Variants in TULP4 observed in about 807,000 individuals in gnomAD.
TULP4 encodes the protein tubby-related protein 4.
TULP4 carries 16 observed loss-of-function variants against 129.0 expected under a neutral mutation model. That is an observed-to-expected ratio of 0.12 (90% confidence interval 0.08 to 0.19). The LOEUF (loss-of-function observed/expected upper bound fraction) is 0.19. Ranked by LOEUF, TULP4 falls within the 10% of genes least tolerant of loss-of-function variation. The pLI, the probability that TULP4 is intolerant of heterozygous loss-of-function variation, is 1.00. For missense variants in TULP4, 1,842 were observed against 2,059.1 expected (o/e 0.89, Z 2.04); for synonymous variants, 998 against 854.0 (o/e 1.17, Z -2.94).
intron 13 of TULP4, among the ~76,000 whole-genome samples, chr6:158,504,624 G>A (rs1780557286): frequency 6.6e-6 from 1 of 151,138 alleles, no homozygotes; most frequent in Admixed American, 6.6e-5. Context: ...TCAAAGTGCA[G>A]GGATTACAGG....
At position 158,413,220 on chromosome 6, in the gene TULP4, T is replaced by C. The variant is rs549807200; in HGVS notation, c.381+27T>C. On this transcript the variant is annotated intron_variant, in intron 2 of 13. Coordinates refer to ENST00000367097, the MANE Select transcript of TULP4 (RefSeq NM_020245.5). This position sits in a 1 kb window ranked among gnomAD's most constrained non-coding sequence, Gnocchi z 4.9. Reference sequence around the variant, plus strand: ...TGAGTGGCAGGCGCAGCTCTGCCAGTGAAGGGCTGCGGGGTAGAGGACTCC... The same window carrying C: ...TGAGTGGCAGGCGCAGCTCTGCCAGCGAAGGGCTGCGGGGTAGAGGACTCC... 1.7e-4 allele frequency: 278 copies of C among 1,599,906 alleles called. 5 individuals carry two copies. The South Asian group carries it at 3.0e-3, about 17-fold the overall frequency.
At chr6:158,430,616 C>T (rs966982304) in intron 3 of TULP4, among the ~76,000 whole-genome samples, 3 of 151,994 alleles carry the variant, frequency 2.0e-5, no homozygotes, top group African/African-American at 4.8e-5. Context: ...GGCATGATGG[C>T]GGGCGCCTGT....
chr6:158,241,529 G>T (rs1275684719), intron 1 of TULP4, among the ~76,000 whole-genome samples: 15 of 152,034 alleles, frequency 9.9e-5, no homozygotes, highest in Non-Finnish European at 1.8e-4. Context: ...GATCACTCGC[G>T]GTTAGGGGCT....
chr6:158,262,711 G>A (rs732487), intron 1 of TULP4, among the ~76,000 whole-genome samples: 49,994 of 152,072 alleles, frequency 0.33, 9,222 homozygotes, highest in Admixed American at 0.45. Context: ...TGGGATGCAT[G>A]TGCAGATTCA....
chr6:158,415,360 T>C (rs1470260322), intron 2 of TULP4, among the ~76,000 whole-genome samples: 1 of 150,378 alleles, frequency 6.6e-6, no homozygotes, highest in Non-Finnish European at 1.5e-5. Context: ...TTTTTTTTTT[T>C]TTTTTTTGAG....
chr6:158,332,931 ACACACACG>A (rs1210107688), intron 1 of TULP4, among the ~76,000 whole-genome samples: 3 of 152,080 alleles, frequency 2.0e-5, no homozygotes, highest in Non-Finnish European at 4.4e-5. Flanking sequence ...ACTGACATAC[ACACACACG>A]TACATACATG....
At position 158,313,584 on chromosome 6, in the gene TULP4, T is replaced by C. The variant is rs1185554992; in HGVS notation, c.-433T>C. 7.3e-6 allele frequency: 3 copies of C among 409,496 alleles called. No individual in the cohort carries two copies. The highest frequency in any genetic ancestry group is 4.1e-5 in the African/African-American group (2 of 48,696). The allele number at this position is 409,496 out of a possible 1,614,324, so 25.4% of individuals were successfully genotyped here. A position where few individuals can be genotyped will look rare whatever the true frequency, so the allele number is the denominator to read the frequency against. ...AAAGCCTTAAGTTACTTGAAATCTA[T>C]GTATTTGCAACCCTTTGTCTCTGGA... On this transcript the variant is annotated 5_prime_UTR_variant, in exon 1 of 14. It removes an upstream start codon present in the reference 5' UTR. Transcript: ENST00000367097.
At chr6:158,365,899 C>CTTTTTTTTTTTTTTTTTTTTTTTTT (rs5881257) in intron 1 of TULP4, among the ~76,000 whole-genome samples, 6 of 57,540 alleles carry the variant, frequency 1.0e-4, no homozygotes, top group Admixed American at 3.1e-4. Flanking sequence ...CTTTTTCTTT[C>CTTTTTTTTTTTTTTTTTTTTTTTTT]TTTTTTTTTT....
In TULP4 at chr6:158,481,061, A is replaced by G. The variant is rs367711119; in HGVS notation, c.1258A>G (p.Ile420Val). 5.8e-6 allele frequency: 9 copies of G among 1,561,916 alleles called. No homozygotes were observed. The highest frequency in any genetic ancestry group is 1.2e-5 in the South Asian group (1 of 83,138). ...TTCTTCCTGTATCCTCCAGCCCCCAATTCCAGATCCGAACAACATGAGAGA... is the reference window on the plus strand; with the variant it reads ...TTCTTCCTGTATCCTCCAGCCCCCAGTTCCAGATCCGAACAACATGAGAGA... ...TAFIPTIKPP[I>V]PDPNNMRDFV... The change falls in exon 8 of 14, where the codon ATT becomes GTT. Residue 420 changes from isoleucine (I) to valine (V), a missense_variant. Around this residue, in one of 5 missense-constraint regions of TULP4, gnomAD observed 456 missense variants for 534.3 expected, o/e 0.85. Coordinates refer to ENST00000367097, the MANE Select transcript of TULP4 (RefSeq NM_020245.5).
chr6:158,367,395 G>T (rs1347644554), intron 1 of TULP4, among the ~76,000 whole-genome samples: 3 of 152,152 alleles, frequency 2.0e-5, no homozygotes, highest in Non-Finnish European at 2.9e-5. Context: ...TGCTGGAATT[G>T]TTTGTTTGTT....
intron 4 of TULP4, among the ~76,000 whole-genome samples, chr6:158,451,362 C>A (rs705955): frequency 4.6e-5 from 7 of 152,072 alleles, no homozygotes; most frequent in Non-Finnish European, 7.4e-5. Context: ...CTGCAGACAA[C>A]TGGCAGGTAG....
chr6:158,334,195 T>C (rs1187479931), intron 1 of TULP4, among the ~76,000 whole-genome samples: 1 of 152,212 alleles, frequency 6.6e-6, no homozygotes, highest in East Asian at 1.9e-4. Flanking sequence ...GAAATGGCAC[T>C]AGTGATGCTG....
At chr6:158,433,572 G>T (rs956654456) in intron 3 of TULP4, among the ~76,000 whole-genome samples, 3 of 152,130 alleles carry the variant, frequency 2.0e-5, no homozygotes, top group African/African-American at 7.2e-5. Flanking sequence ...TTAGCCAGGC[G>T]TGGTGGCACG....
Position 158,503,040 on chromosome 6 carries a change from C to T in TULP4, c.3377C>T (p.Pro1126Leu). The change falls in exon 13 of 14, where the codon CCC becomes CTC. Residue 1126 changes from proline to leucine, a missense_variant. Coordinates refer to ENST00000367097, the MANE Select transcript of TULP4 (RefSeq NM_020245.5). The surrounding 1 kb of genome is among the most constrained non-coding windows in gnomAD (Gnocchi z 4.3). ...CGGCCACCCCCTTACCAGTGGGACC[C>T]CATGCTGGGTGAGGATGTTTGGGTT... The part of the protein sequence containing the change: ...LKRPPPYQWD[P>L]MLGEDVWVPQ... 6.2e-7 allele frequency: 1 copy of T among 1,614,184 alleles called. No homozygotes were observed. Among genetic ancestry groups the T allele is most frequent in the Non-Finnish European group, 8.5e-7 (1 of 1,180,036 alleles).
rs139821873 is a variant in TULP4, at chr6:158,344,930, G to A, written c.252+30662G>A. 5.5e-3 allele frequency among the ~76,000 whole-genome samples: 845 copies of A among 152,314 alleles called. 5 individuals carry two copies. The highest frequency in any genetic ancestry group is 0.015 in the South Asian group (73 of 4,826). On this transcript the variant is annotated intron_variant, in intron 1 of 13. Transcript: ENST00000367097. ...GAAAAGTTTTTGAAGGAAATTAAAA[G>A]TGCTACTCCAGTGAACATGTGAATG...
intron 1 of TULP4, among the ~76,000 whole-genome samples, chr6:158,386,014 T>G (rs1777440846): frequency 6.6e-6 from 1 of 151,734 alleles, no homozygotes; most frequent in Non-Finnish European, 1.5e-5. Context: ...CCAGATAATT[T>G]TTAAATTTTT....
chr6:158,388,256 A>G (rs1777494592), intron 1 of TULP4, among the ~76,000 whole-genome samples: 1 of 151,832 alleles, frequency 6.6e-6, no homozygotes, highest in East Asian at 1.9e-4. Context: ...TTTTGTTTCT[A>G]TAGAAGATTG....
At chr6:158,475,513 C>A (rs1441051938) in intron 6 of TULP4, among the ~76,000 whole-genome samples, 2 of 152,248 alleles carry the variant, frequency 1.3e-5, no homozygotes, top group Non-Finnish European at 1.5e-5. Flanking sequence ...CGCAAACTTA[C>A]AATTGAGTTT....
chr6:158,313,570 T>A lies in TULP4; in HGVS notation c.-447T>A. 1 of 407,328 alleles carries A rather than the reference T, an allele frequency of 2.5e-6. No individual in the cohort carries two copies. The highest frequency in any genetic ancestry group is 4.3e-6 in the Non-Finnish European group (1 of 231,332). The allele number at this position is 407,328 out of a possible 1,614,324, so 25.2% of individuals were successfully genotyped here. A position where few individuals can be genotyped will look rare whatever the true frequency, so the allele number is the denominator to read the frequency against. On this transcript the variant is annotated 5_prime_UTR_variant, in exon 1 of 14. Coordinates refer to ENST00000367097, the MANE Select transcript of TULP4 (RefSeq NM_020245.5). ...CTAGAGGGATTCTTAAAGCCTTAAGTTACTTGAAATCTATGTATTTGCAAC... is the reference window on the plus strand; with the variant it reads ...CTAGAGGGATTCTTAAAGCCTTAAGATACTTGAAATCTATGTATTTGCAAC...
Sources: gnomAD v4.1 joint callset for allele counts (sites outside exome capture counted in the v4.1 genomes callset) on GRCh38, gnomAD v4.1.1 for gene constraint, gnomAD v4.1.1 regional missense constraint, Gnocchi (gnomAD v3.1) non-coding constraint, MANE v1.5 for transcripts, NCBI Gene and HGNC (gene_info 2026-07-23, HGNC 2026-07-21) for gene names.